RYR2: variants seen among roughly 807,000 people sequenced by gnomAD.
RYR2 encodes the protein ryanodine receptor 2, also known as cardiac muscle ryanodine receptor-calcium release channel.
A neutral mutation model predicts 601.1 loss-of-function variants in RYR2; 227 were observed. The observed-to-expected ratio is 0.38, with a 90% CI of 0.34 to 0.42. The LOEUF is 0.42. RYR2 is among the 10% of genes least tolerant of loss of function. The probability of loss-of-function intolerance (pLI) is 1.00; values close to 1 mark genes in which losing one functional copy is unlikely to be tolerated. For missense variants in RYR2, 4,646 were observed against 6,156.5 expected (o/e 0.75, Z 8.21); for synonymous variants, 2,223 against 2,175.1 (o/e 1.02, Z -0.61).
At chr1:237,607,281 G>C (rs1480362374) in intron 35 of RYR2, among the ~76,000 whole-genome samples, 2 of 152,104 alleles carry the variant, frequency 1.3e-5, no homozygotes, top group East Asian at 1.9e-4. Flanking sequence ...GTAGGGACAT[G>C]GATGAAGCTG....
At chr1:237,181,204 G>T (rs1201878411) in intron 1 of RYR2, among the ~76,000 whole-genome samples, 3 of 151,938 alleles carry the variant, frequency 2.0e-5, no homozygotes, top group Non-Finnish European at 4.4e-5. Flanking sequence ...GGCTGGTCTT[G>T]AACTCCTGAC....
At chr1:237,366,246 C>T (rs1700183184) in intron 5 of RYR2, among the ~76,000 whole-genome samples, 1 of 152,202 alleles carries the variant, frequency 6.6e-6, no homozygotes, top group African/African-American at 2.4e-5. Context: ...CCTGAGGAGA[C>T]TTTCCATGAA....
chr1:237,405,512 C>T (rs1315634444), intron 10 of RYR2, among the ~76,000 whole-genome samples: 2 of 152,184 alleles, frequency 1.3e-5, no homozygotes, highest in African/African-American at 2.4e-5. Flanking sequence ...GTTCTTATTG[C>T]GTATGTCTGC....
At chr1:237,576,574 A>G (rs1673245985) in intron 29 of RYR2, among the ~76,000 whole-genome samples, 1 of 152,144 alleles carries the variant, frequency 6.6e-6, no homozygotes. Context: ...ACCCTATATG[A>G]TAACGAACTC....
chr1:237,153,448 C>T lies in RYR2; in HGVS notation c.48+110879C>T, dbSNP rs549101840. ...TTAAATAACGATGGACCTTTATTACCCATCATTATTCTGGCAGTTCAACTT... is the reference window on the plus strand; with the variant it reads ...TTAAATAACGATGGACCTTTATTACTCATCATTATTCTGGCAGTTCAACTT... On this transcript the variant is annotated intron_variant, in intron 1 of 104. Transcript: ENST00000366574. Among the ~76,000 whole-genome samples the T allele has an allele frequency of 4.6e-5, 7 of 152,140 alleles. No homozygotes were observed. The South Asian group carries it at 1.5e-3, about 32-fold the overall frequency.
At chr1:237,540,623 C>T (rs891673872) in intron 25 of RYR2, among the ~76,000 whole-genome samples, 1 of 151,756 alleles carries the variant, frequency 6.6e-6, no homozygotes, top group African/African-American at 2.4e-5. Context: ...GGGAGAATCA[C>T]TTGAGCCTGG....
chr1:237,723,879 A>G (rs944467879), intron 74 of RYR2, among the ~76,000 whole-genome samples: 1 of 152,074 alleles, frequency 6.6e-6, no homozygotes, highest in Non-Finnish European at 1.5e-5. Flanking sequence ...CCTTTGCACA[A>G]GAATGTGTAA....
At chr1:237,239,263 CAA>C (rs1685904680) in intron 1 of RYR2, among the ~76,000 whole-genome samples, 1 of 152,056 alleles carries the variant, frequency 6.6e-6, no homozygotes, top group Admixed American at 6.6e-5. Context: ...CCAAGGCAAT[CAA>C]AGACACGGAC....
rs531913834 is a variant in RYR2, at chr1:237,199,301, G to A, written c.49-71196G>A. Among the ~76,000 whole-genome samples the A allele has an allele frequency of 4.9e-4, 74 of 152,314 alleles. 1 individual carries two copies. The highest frequency in any genetic ancestry group is 1.6e-3 in the African/African-American group (66 of 41,564). ...TGCAAGCTGAGGAACAAGGAAGCCC[G>A]TCCAAGTCCCAAAGCCTCAAAAGTA... On this transcript the variant is annotated intron_variant, in intron 1 of 104. Transcript: ENST00000366574.
chr1:237,602,054 G>T lies in RYR2; in HGVS notation c.4626G>T (p.Ala1542=). ...AACCGAGTACAAAATTATTTCCTGC[G>T]GTTTTTGCACAAGCTACAAGTCCCA... ...QVEPSTKLFP[A]VFAQATSPNV... is the part of the protein sequence containing the mutation. The change falls in exon 35 of 105, where the codon GCG becomes GCT. Residue 1542 remains alanine (A), a synonymous_variant. Coordinates refer to ENST00000366574, the MANE Select transcript of RYR2 (RefSeq NM_001035.3). 6.2e-7 allele frequency: 1 copy of T among 1,612,478 alleles called. No individual in the cohort carries two copies. The highest frequency in any genetic ancestry group is 1.3e-5 in the African/African-American group (1 of 74,944).
chr1:237,733,236 A>G (rs528291207), intron 78 of RYR2, among the ~76,000 whole-genome samples: 1 of 152,342 alleles, frequency 6.6e-6, no homozygotes, highest in South Asian at 2.1e-4. Context: ...TCTCAAAAAG[A>G]AGATAATAAA....
chr1:237,359,922 T>C (rs1274242858), intron 4 of RYR2, among the ~76,000 whole-genome samples: 1 of 152,168 alleles, frequency 6.6e-6, no homozygotes, highest in Non-Finnish European at 1.5e-5. Flanking sequence ...ATGAGTGGGG[T>C]GAAGAAAGCA....
At chr1:237,437,995 T>A (rs1707566468) in intron 12 of RYR2, among the ~76,000 whole-genome samples, 1 of 151,196 alleles carries the variant, frequency 6.6e-6, no homozygotes. Flanking sequence ...AGCAAAATAC[T>A]TAAGCTAGAG....
chr1:237,306,260 C>T (rs751687954), intron 2 of RYR2, among the ~76,000 whole-genome samples: 1 of 152,138 alleles, frequency 6.6e-6, no homozygotes, highest in Non-Finnish European at 1.5e-5. Flanking sequence ...TGTTCAGCCA[C>T]AAAATGTAAA....
intron 17 of RYR2, among the ~76,000 whole-genome samples, chr1:237,482,588 T>A (rs572364469): frequency 6.6e-6 from 1 of 152,278 alleles, no homozygotes; most frequent in Non-Finnish European, 1.5e-5. Flanking sequence ...CTGATTTTCT[T>A]TATCCATTCA....
chr1:237,703,623 T>C (rs1249973352), intron 66 of RYR2, among the ~76,000 whole-genome samples: 1 of 148,170 alleles, frequency 6.7e-6, no homozygotes, highest in Non-Finnish European at 1.5e-5. Flanking sequence ...ATATATAAAA[T>C]ATATAAAAAT....
At chr1:237,261,279 C>T (rs1298426501) in intron 1 of RYR2, among the ~76,000 whole-genome samples, 1 of 152,178 alleles carries the variant, frequency 6.6e-6, no homozygotes, top group Non-Finnish European at 1.5e-5. Flanking sequence ...ACTGCTTCTT[C>T]CTTGCCTTTC....
intron 17 of RYR2, among the ~76,000 whole-genome samples, chr1:237,469,582 A>T (rs554210830): frequency 7.2e-5 from 11 of 152,270 alleles, no homozygotes; most frequent in Admixed American, 6.5e-4. Context: ...TTTATATCTT[A>T]AAAAACCTAT....
chr1:237,340,821 A>C (rs1389691253), intron 3 of RYR2, among the ~76,000 whole-genome samples: 1 of 152,216 alleles, frequency 6.6e-6, no homozygotes, highest in African/African-American at 2.4e-5. Context: ...GCAGTGATGT[A>C]ATGGTGAATG....
Sources: allele counts gnomAD v4.1 joint callset (sites outside exome capture counted in the v4.1 genomes callset), GRCh38; gene constraint gnomAD v4.1.1; transcripts MANE v1.5; gene names NCBI Gene and HGNC (gene_info 2026-07-23, HGNC 2026-07-21).